The following SLC16A12 variants were observed in gnomAD, a reference collection of about 807,000 sequenced individuals.
SLC16A12 encodes solute carrier family 16 member 12.
Under a neutral mutation model 42.4 loss-of-function variants are expected in SLC16A12, and 17 were observed. The observed-to-expected ratio is 0.40, with a 90% confidence interval of 0.27 to 0.60. The LOEUF is 0.60. SLC16A12 is among the 20% of genes least tolerant of loss of function. SLC16A12 has a pLI of 0.42. For missense variants in SLC16A12, 544 were observed against 623.0 expected, an observed-to-expected ratio of 0.87 and a Z score of 1.35; for synonymous variants, 224 against 229.4, an observed-to-expected ratio of 0.98 and a Z score of 0.21.
At chr10:89,525,404 T>C (rs1843433641) in intron 2 of SLC16A12, among the ~76,000 whole-genome samples, 1 of 152,194 alleles carries the variant, frequency 6.6e-6, no homozygotes, top group Admixed American at 6.5e-5. Context: ...TTTAGTTAGA[T>C]CTTCATCTGT....
At chr10:89,537,217 G>A (rs374395509), upstream of SLC16A12, among the ~76,000 whole-genome samples, 2 of 147,084 alleles carry the variant, frequency 1.4e-5, no homozygotes, top group Non-Finnish European at 3.0e-5. Context: ...TCACTATGTC[G>A]CTAAGGCTAG....
intron 1 of SLC16A12, among the ~76,000 whole-genome samples, chr10:89,535,041 A>G (rs927891039): frequency 1.3e-5 from 2 of 152,192 alleles, no homozygotes; most frequent in Admixed American, 1.3e-4. Flanking sequence ...TTTTTAATAT[A>G]GCACACACGG....
chr10:89,540,928 C>CTT (rs1257162396), intron 2 of SLC16A12, among the ~76,000 whole-genome samples: 1 of 144,116 alleles, frequency 6.9e-6, no homozygotes, highest in Non-Finnish European at 1.5e-5. Context: ...TTTTTTTTCC[C>CTT]TTTTTTTTTT....
At chr10:89,550,458 G>T (rs765571968) in intron 2 of SLC16A12, among the ~76,000 whole-genome samples, 1 of 152,208 alleles carries the variant, frequency 6.6e-6, no homozygotes, top group South Asian at 2.1e-4. Context: ...GGCGGAGGTT[G>T]CAGTGAGCTG....
At position 89,542,642 on chromosome 10, in the gene SLC16A12, G is replaced by A. The variant is rs571273297; in HGVS notation, c.-47+13240C>T. On this transcript the variant is annotated intron_variant, in intron 2 of 2. Coordinates refer to the SLC16A12 transcript ENST00000475682. ...TAATAGTTTTATCTCCCTATCTATT[G>A]TCACTGATCTCCAGACTCATCTTCC... 7.2e-5 allele frequency among the ~76,000 whole-genome samples: 11 copies of A among 152,192 alleles called. 1 individual carries two copies. Among genetic ancestry groups the A allele is most frequent in the South Asian group, 6.2e-4 (3 of 4,818 alleles).
chr10:89,449,682 C>T (rs975176600), intron 3 of SLC16A12, among the ~76,000 whole-genome samples: 1 of 152,158 alleles, frequency 6.6e-6, no homozygotes, highest in Non-Finnish European at 1.5e-5. Flanking sequence ...CAATACCATT[C>T]AGGACATAGG....
chr10:89,492,477 C>A (rs990226251), intron 2 of SLC16A12, among the ~76,000 whole-genome samples: 1 of 152,058 alleles, frequency 6.6e-6, no homozygotes, highest in African/African-American at 2.4e-5. Context: ...CACCTGTAAT[C>A]CCAACACTTT....
At chr10:89,443,947 C>T (rs1020504372) in intron 3 of SLC16A12, 88 bp from the exon 4 acceptor site, 8 of 829,786 alleles carry the variant, frequency 9.6e-6, no homozygotes, top group Non-Finnish European at 1.6e-5. Context: ...CAATTAGCTG[C>T]TCCTGTTTCC....
intron 2 of SLC16A12, among the ~76,000 whole-genome samples, chr10:89,520,841 T>A (rs150126010): frequency 7.9e-4 from 120 of 152,188 alleles, no homozygotes; most frequent in African/African-American, 2.8e-3. Context: ...GGAAATAAAG[T>A]ACTTACTAGA....
chr10:89,542,077 C>T (rs561363403), intron 2 of SLC16A12, among the ~76,000 whole-genome samples: 30 of 151,950 alleles, frequency 2.0e-4, no homozygotes, highest in African/African-American at 5.3e-4. Flanking sequence ...ACGAGAGTGG[C>T]GGGCACAGCC....
chr10:89,494,650 G>T (rs1842896664), intron 2 of SLC16A12, among the ~76,000 whole-genome samples: 2 of 152,220 alleles, frequency 1.3e-5, no homozygotes, highest in Admixed American at 6.5e-5. Flanking sequence ...GCCGGAAAGT[G>T]AATGAACAGA....
At chr10:89,542,937 G>T (rs1026799967) in intron 2 of SLC16A12, among the ~76,000 whole-genome samples, 18 of 152,068 alleles carry the variant, frequency 1.2e-4, no homozygotes, top group African/African-American at 4.1e-4. Context: ...TTCTTGTTCT[G>T]TGAAGTCGCC....
intron 2 of SLC16A12, among the ~76,000 whole-genome samples, chr10:89,552,769 C>T (rs756106179): frequency 1.3e-5 from 2 of 152,144 alleles, no homozygotes; most frequent in African/African-American, 4.8e-5. Flanking sequence ...GAGATGCGAA[C>T]TAAGACTTAG....
intron 2 of SLC16A12, among the ~76,000 whole-genome samples, chr10:89,507,251 C>G (rs1843078647): frequency 6.6e-6 from 1 of 152,050 alleles, no homozygotes; most frequent in Admixed American, 6.6e-5. Context: ...TCGAGAAGAG[C>G]AACCCCAAAA....
intron 2 of SLC16A12, among the ~76,000 whole-genome samples, chr10:89,548,802 C>T (rs369675883): frequency 7.2e-5 from 11 of 152,000 alleles, no homozygotes; most frequent in South Asian, 4.1e-4. Context: ...GGTGACAGAG[C>T]GAGACTCTGT....
In SLC16A12 at chr10:89,458,385, T is replaced by C. The variant is rs547362766; in HGVS notation, c.200+3994A>G. 5.3e-5 allele frequency among the ~76,000 whole-genome samples: 8 copies of C among 152,322 alleles called. No individual in the cohort carries two copies. In the South Asian group the frequency reaches 1.0e-3, roughly 20 times the overall value. On this transcript the variant is annotated intron_variant, in intron 3 of 7. Coordinates refer to ENST00000371790, the MANE Select transcript of SLC16A12 (RefSeq NM_213606.4). ...TGAGAATTTGACCTTTGGGTCTATT[T>C]ACCTGTCTGAAAAATAACAGGATTA...
At chr10:89,528,911 A>C (rs2133866404) in intron 2 of SLC16A12, among the ~76,000 whole-genome samples, 1 of 152,292 alleles carries the variant, frequency 6.6e-6, no homozygotes, top group South Asian at 2.1e-4. Flanking sequence ...GTCTTCAATC[A>C]ACTGATTTAT....
At chr10:89,512,386 A>AG (rs1843176563) in intron 2 of SLC16A12, among the ~76,000 whole-genome samples, 6 of 152,232 alleles carry the variant, frequency 3.9e-5, no homozygotes, top group African/African-American at 1.2e-4. Context: ...TAGTGTCTGC[A>AG]GGCTCCTGGG....
At chr10:89,476,967 G>C (rs572028735) in intron 2 of SLC16A12, among the ~76,000 whole-genome samples, 3 of 152,340 alleles carry the variant, frequency 2.0e-5, no homozygotes, top group South Asian at 4.1e-4. Context: ...TCTGCTCACT[G>C]CTTGAGCCAC....
Sources: gnomAD v4.1 joint callset for allele counts (sites outside exome capture counted in the v4.1 genomes callset) on GRCh38, gnomAD v4.1.1 for gene constraint, MANE v1.5 for transcripts, NCBI Gene and HGNC (gene_info 2026-07-23, HGNC 2026-07-21) for gene names.